The following ZFPM2 variants were observed in gnomAD, a reference collection of about 807,000 sequenced individuals.
ZFPM2 encodes the protein zinc finger protein ZFPM2.
Under a neutral mutation model 98.6 loss-of-function variants are expected in ZFPM2, and 20 were observed. The observed-to-expected ratio is 0.20, with a 90% CI of 0.14 to 0.29. The LOEUF (loss-of-function observed/expected upper bound fraction) is 0.29. Ranked by LOEUF, ZFPM2 falls within the 10% of genes least tolerant of loss-of-function variation. The pLI is 1.00. For synonymous variants in ZFPM2, 518 were observed against 502.7 expected (o/e 1.03, Z -0.41); for missense variants, 1,310 against 1,388.6 (o/e 0.94, Z 0.90).
At chr8:105,791,235 G>A (rs1485367799) in intron 6 of ZFPM2, among the ~76,000 whole-genome samples, 1 of 151,874 alleles carries the variant, frequency 6.6e-6, no homozygotes, top group Admixed American at 6.6e-5. Flanking sequence ...GTTTGTCATA[G>A]ATAGCTCTTA....
chr8:105,669,228 A>G (rs2065348380), intron 5 of ZFPM2, among the ~76,000 whole-genome samples: 2 of 152,054 alleles, frequency 1.3e-5, no homozygotes, highest in South Asian at 2.1e-4. Context: ...GGATATAGAC[A>G]GTCTTCAATA....
At chr8:105,471,745 A>G (rs774146676) in intron 3 of ZFPM2, among the ~76,000 whole-genome samples, 1 of 152,226 alleles carries the variant, frequency 6.6e-6, no homozygotes, top group Non-Finnish European at 1.5e-5. Flanking sequence ...CTCTACTGAT[A>G]TCAGCTATTC....
intron 5 of ZFPM2, among the ~76,000 whole-genome samples, chr8:105,648,680 A>G (rs1817104559): frequency 1.3e-5 from 2 of 152,102 alleles, no homozygotes; most frequent in Admixed American, 1.3e-4. Flanking sequence ...CAAAGATCAG[A>G]TGGTTGTAGA....
intron 3 of ZFPM2, among the ~76,000 whole-genome samples, chr8:105,496,534 CA>C (rs1813471016): frequency 2.6e-5 from 4 of 152,064 alleles, no homozygotes; most frequent in Admixed American, 2.6e-4. Context: ...TGCATCATGT[CA>C]GGAAGCAGAC....
chr8:105,379,453 T>C (rs1311576102), intron 1 of ZFPM2, among the ~76,000 whole-genome samples: 2 of 152,148 alleles, frequency 1.3e-5, no homozygotes, highest in Admixed American at 6.6e-5. Flanking sequence ...GGCCAAAATT[T>C]AATTAAAAGT....
chr8:105,346,981 C>T (rs1453376351), intron 1 of ZFPM2, among the ~76,000 whole-genome samples: 1 of 151,986 alleles, frequency 6.6e-6, no homozygotes, highest in Non-Finnish European at 1.5e-5. Flanking sequence ...CCAGATGTAG[C>T]CATAGGTACA....
chr8:105,403,730 T>C (rs1811384598), intron 1 of ZFPM2, among the ~76,000 whole-genome samples: 1 of 152,010 alleles, frequency 6.6e-6, no homozygotes, highest in Admixed American at 6.6e-5. Flanking sequence ...ACTTTAGGAT[T>C]TTTATGATCT....
chr8:105,689,640 G>A (rs1395827192), intron 5 of ZFPM2, among the ~76,000 whole-genome samples: 1 of 152,192 alleles, frequency 6.6e-6, no homozygotes, highest in Non-Finnish European at 1.5e-5. Flanking sequence ...TAAGTTGGTG[G>A]TGTTCATGTT....
chr8:105,657,165 G>A (rs1275587092), intron 5 of ZFPM2, among the ~76,000 whole-genome samples: 2 of 151,936 alleles, frequency 1.3e-5, no homozygotes, highest in Non-Finnish European at 2.9e-5. Context: ...TTGAGATGGA[G>A]TCTCACTCTG....
intron 4 of ZFPM2, among the ~76,000 whole-genome samples, chr8:105,566,581 T>C (rs915387938): frequency 6.6e-6 from 1 of 152,192 alleles, no homozygotes; most frequent in Non-Finnish European, 1.5e-5. Context: ...TCAGCTGTGC[T>C]AGCACGTGGT....
chr8:105,576,985 G>A (rs936096367), intron 4 of ZFPM2, among the ~76,000 whole-genome samples: 1 of 151,764 alleles, frequency 6.6e-6, no homozygotes, highest in African/African-American at 2.4e-5. Context: ...TCATATGAAA[G>A]GGTAGTGGAA....
chr8:105,669,312 A>C (rs138546265), intron 5 of ZFPM2, among the ~76,000 whole-genome samples: 8 of 151,934 alleles, frequency 5.3e-5, no homozygotes, highest in African/African-American at 1.9e-4. Context: ...AGGTCTTATT[A>C]CTAAATACTC....
chr8:105,444,243 C>T lies in ZFPM2; in HGVS notation c.200-37C>T. 7 of 1,521,248 alleles carry T rather than the reference C, an allele frequency of 4.6e-6. No homozygotes were observed. The South Asian group carries it at 7.0e-5, about 15-fold the overall frequency. 94.2% of individuals were successfully genotyped at this position (1,521,248 alleles called of 1,614,324 possible). On this transcript the variant is annotated intron_variant, in intron 2 of 7. Coordinates refer to ENST00000407775, the MANE Select transcript of ZFPM2 (RefSeq NM_012082.4). Reference sequence around the variant, plus strand: ...TGTGAATGTGAAAGAGAGAGCTTTGCTCATTTTCTTTCTCTCCTTGTGTTG... The same window carrying T: ...TGTGAATGTGAAAGAGAGAGCTTTGTTCATTTTCTTTCTCTCCTTGTGTTG...
chr8:105,527,255 C>G (rs1814194319), intron 3 of ZFPM2, among the ~76,000 whole-genome samples: 1 of 152,116 alleles, frequency 6.6e-6, no homozygotes, highest in Non-Finnish European at 1.5e-5. Flanking sequence ...TGTGAACTCT[C>G]AAGTGTTTTC....
At chr8:105,514,757 T>G (rs1813886486) in intron 3 of ZFPM2, among the ~76,000 whole-genome samples, 1 of 152,200 alleles carries the variant, frequency 6.6e-6, no homozygotes, top group African/African-American at 2.4e-5. Flanking sequence ...ACAGCACTTG[T>G]CACAATTGCA....
chr8:105,506,133 T>C (rs536900903), intron 3 of ZFPM2, among the ~76,000 whole-genome samples: 6 of 152,254 alleles, frequency 3.9e-5, no homozygotes, highest in South Asian at 2.1e-4. Flanking sequence ...TTGGCATAAT[T>C]TAAGATAGTT....
rs774459991 is a variant in ZFPM2 at position 105,419,305 on chromosome 8, A to G, written c.199+3A>G. 1 of 1,612,992 alleles carries G rather than the reference A, an allele frequency of 6.2e-7. No individual in the cohort carries two copies. The highest frequency in any genetic ancestry group is 8.5e-7 in the Non-Finnish European group (1 of 1,179,430). On this transcript the variant is annotated splice_donor_region_variant and intron_variant, in intron 2 of 7. Transcript: ENST00000407775. ...AGTGGAATACTTTTGTAACAAAGGT[A>G]ATTGTTGATGGTTGGATGTAATATG...
chr8:105,749,041 A>G (rs938081211), intron 5 of ZFPM2, among the ~76,000 whole-genome samples: 2 of 152,072 alleles, frequency 1.3e-5, no homozygotes, highest in African/African-American at 4.8e-5. Context: ...GGCATCAACA[A>G]CATTCTTTAT....
intron 1 of ZFPM2, among the ~76,000 whole-genome samples, chr8:105,380,564 A>G (rs1051424651): frequency 2.4e-5 from 3 of 123,892 alleles, no homozygotes; most frequent in Admixed American, 1.1e-4. Context: ...TTTGCAGACC[A>G]GAAAATCAAC....
Sources: gnomAD v4.1 joint callset for allele counts (sites outside exome capture counted in the v4.1 genomes callset) on GRCh38, gnomAD v4.1.1 for gene constraint, MANE v1.5 for transcripts, NCBI Gene and HGNC (gene_info 2026-07-23, HGNC 2026-07-21) for gene names.